Variants in TAP2 observed in about 807,000 individuals in gnomAD.
The protein encoded by TAP2 is transporter 2, ATP binding cassette subfamily B member.
Under a neutral mutation model 74.7 loss-of-function variants are expected in TAP2, and 49 were observed. That is an observed-to-expected ratio of 0.66 (90% CI 0.52 to 0.83). The LOEUF (loss-of-function observed/expected upper bound fraction) is 0.83, where lower values mean the gene tolerates loss of function less well. TAP2 is among the 40% of genes least tolerant of loss of function. TAP2 has a pLI of 0.00. For missense variants in TAP2, 739 were observed against 859.0 expected (o/e 0.86, Z 1.75); for synonymous variants, 306 against 368.4 (o/e 0.83, Z 1.94).
chr6:32,827,142 C>T lies in TAP2; in HGVS notation c.*1764G>A. ...CAAGAAAAAATCCAAAACAGCAGTT[C>T]TGGGGAATTCATTGCCAGCACTGGA... On this transcript the variant is annotated 3_prime_UTR_variant, in exon 12 of 12. Coordinates refer to ENST00000374897, the MANE Select transcript of TAP2 (RefSeq NM_001290043.2). 4 of 985,650 alleles carry T rather than the reference C, an allele frequency of 4.1e-6. No individual in the cohort carries two copies. Among genetic ancestry groups the T allele is most frequent in the Non-Finnish European group, 3.6e-6 (3 of 829,944 alleles). The allele number at this position is 985,650 out of a possible 1,614,324, so 61.1% of individuals were successfully genotyped here.
intron 1 of TAP2, 119 bp from the exon 2 acceptor site, chr6:32,838,356 C>T (rs1193603828): frequency 7.3e-6 from 10 of 1,365,294 alleles, no homozygotes; most frequent in Non-Finnish European, 9.6e-6. Flanking sequence ...TCCTATTCAA[C>T]CCTGAGAGCT....
rs567747725 is a variant in TAP2, at chr6:32,838,643, A to T, written c.-5+10T>A. 5.4e-6 allele frequency: 1 copy of T among 184,718 alleles called. No homozygotes were observed. The highest frequency in any genetic ancestry group is 1.9e-4 in the South Asian group (1 of 5,270). 11.4% of individuals were successfully genotyped at this position (184,718 alleles called of 1,614,324 possible). A position where few individuals can be genotyped will look rare whatever the true frequency, so the allele number is the denominator to read the frequency against. ...GTTGGCGCTCCAGGTTCCCCTCCGC[A>T]CCAACTCACCAGCCGCGGCGGGGAG... On this transcript the variant is annotated intron_variant, in intron 1 of 11. Transcript: ENST00000374897.
rs1338628580 is a variant in TAP2, at chr6:32,837,799, G to A, written c.435C>T (p.Ser145=). The A allele has an allele frequency of 6.8e-6, 11 of 1,614,116 alleles. No individual in the cohort carries two copies. Among genetic ancestry groups the A allele is most frequent in the Non-Finnish European group, 9.3e-6 (11 of 1,180,030 alleles). The change falls in exon 2 of 12, where the codon TCC becomes TCT. Residue 145 remains serine, a synonymous_variant. Coordinates refer to ENST00000374897, the MANE Select transcript of TAP2 (RefSeq NM_001290043.2). ...KVLMWRLLKL[S]RPDLPLLVAA... ...CAACGAGGAGAGGCAGGTCCGGCCT[G>A]GAGAGCTTCAGCAGCCTCCACATCA...
Position 32,827,143 on chromosome 6 carries a change from T to C in TAP2, c.*1763A>G, listed in dbSNP as rs1768704205. ...AAGAAAAAATCCAAAACAGCAGTTC[T>C]GGGGAATTCATTGCCAGCACTGGAA... is the stretch of plus-strand genomic sequence containing the variant. On this transcript the variant is annotated 3_prime_UTR_variant, in exon 12 of 12. Transcript: ENST00000374897. 18 of 985,516 alleles carry C rather than the reference T, an allele frequency of 1.8e-5. 1 individual carries two copies. In the South Asian group the frequency reaches 8.0e-4, roughly 44 times the overall value. 61.0% of individuals were successfully genotyped at this position (985,516 alleles called of 1,614,324 possible).
chr6:32,836,160 C>T (rs971975265), intron 3 of TAP2, among the ~76,000 whole-genome samples: 5 of 152,180 alleles, frequency 3.3e-5, no homozygotes, highest in Non-Finnish European at 7.3e-5. Flanking sequence ...GCGTCTCCTC[C>T]GCCTTGGTCT....
At position 32,835,423 on chromosome 6, in the gene TAP2, C is replaced by G; in HGVS notation, c.740-64G>C. 6.4e-7 allele frequency: 1 copy of G among 1,566,164 alleles called. No individual in the cohort carries two copies. The highest frequency in any genetic ancestry group is 8.8e-7 in the Non-Finnish European group (1 of 1,141,250). ...GTGTACTGCAGGGCCCCCAGAAACT[C>G]CCTCCTGACCGTTCCCTCTGACACA... On this transcript the variant is annotated intron_variant, in intron 4 of 11. Transcript: ENST00000374897. This position sits in a 1 kb window ranked among gnomAD's most constrained non-coding sequence, Gnocchi z 4.0.
downstream of TAP2, chr6:32,822,160 C>T: frequency 1.3e-6 from 1 of 758,458 alleles, no homozygotes; most frequent in Non-Finnish European, 2.2e-6. Flanking sequence ...TTTACATGTA[C>T]TATTTGCCTC....
intron 10 of TAP2, 62 bp from the exon 11 acceptor site, chr6:32,829,598 G>A: frequency 6.2e-7 from 1 of 1,609,522 alleles, no homozygotes; most frequent in Non-Finnish European, 8.5e-7. Flanking sequence ...ACACAAGGAG[G>A]GACAAGTGCA....
downstream of TAP2, chr6:32,822,254 T>C: frequency 1.3e-6 from 2 of 1,491,254 alleles, no homozygotes; most frequent in South Asian, 1.2e-5. Context: ...TTCGTTCATT[T>C]GAACTCATTA....
chr6:32,835,855 T>G lies in TAP2; in HGVS notation c.609-82A>C, dbSNP rs1242127197. 6.3e-6 allele frequency: 10 copies of G among 1,592,558 alleles called. No homozygotes were observed. The highest frequency in any genetic ancestry group is 2.6e-6 in the Non-Finnish European group (3 of 1,163,960). ...GTGAAACAGAGGAGCAAGCCAGGAG[T>G]GCAGAGAAGCGCAAAGTCAGGGGAA... On this transcript the variant is annotated intron_variant, in intron 3 of 11. Transcript: ENST00000374897. This position sits in a 1 kb window ranked among gnomAD's most constrained non-coding sequence, Gnocchi z 4.0.
downstream of TAP2, chr6:32,821,925 G>A (rs73410773): frequency 0.084 from 18,656 of 221,888 alleles, 1,322 homozygotes; most frequent in African/African-American, 0.22. Flanking sequence ...GGTGATTGAC[G>A]TCTCAAACCA....
chr6:32,822,341 A>C (rs375404770), downstream of TAP2: 11 of 1,470,596 alleles, frequency 7.5e-6, no homozygotes, highest in Non-Finnish European at 1.0e-5. Flanking sequence ...AACAAAAAAA[A>C]CCCCTTGATC....
chr6:32,832,316 C>T lies in TAP2; in HGVS notation c.1272+17G>A. On this transcript the variant is annotated intron_variant, in intron 7 of 11. Coordinates refer to ENST00000374897, the MANE Select transcript of TAP2 (RefSeq NM_001290043.2). This position sits in a 1 kb window ranked among gnomAD's most constrained non-coding sequence, Gnocchi z 5.9. ...AAGAGAGGGAAAAAAGGAGAGCAGG[C>T]TTGGCTTCTCGCTCACCTGCACATA... 3.1e-6 allele frequency: 5 copies of T among 1,612,980 alleles called. No homozygotes were observed. Among genetic ancestry groups the T allele is most frequent in the South Asian group, 1.1e-5 (1 of 91,064 alleles).
At chr6:32,834,644 T>A (rs1258634134) in intron 5 of TAP2, among the ~76,000 whole-genome samples, 1 of 152,192 alleles carries the variant, frequency 6.6e-6, no homozygotes, top group Non-Finnish European at 1.5e-5. Context: ...AATGGTAAAT[T>A]TTATGTTATG....
chr6:32,826,448 TG>T lies in TAP2; in HGVS notation c.*2457del, dbSNP rs11330427. On this transcript the variant is annotated 3_prime_UTR_variant, in exon 12 of 12. Transcript: ENST00000374897. Reference sequence around the variant, plus strand: ...GGTAAGGAGATCAATCAAATGGTGATGGGGGGTAGGAGTGAACAAAAAGAAC... The same window carrying T: ...GGTAAGGAGATCAATCAAATGGTGATGGGGGTAGGAGTGAACAAAAAGAAC... 0.029 allele frequency: 28,756 copies of T among 985,182 alleles called. 1,111 individuals carry two copies. Among genetic ancestry groups the T allele is most frequent in the African/African-American group, 0.18 (10,218 of 57,224 alleles). The allele number at this position is 985,182 out of a possible 1,614,324, so 61.0% of individuals were successfully genotyped here. A position where few individuals can be genotyped will look rare whatever the true frequency, so the allele number is the denominator to read the frequency against.
In TAP2 at chr6:32,835,767, C is replaced by T. The variant is rs756651269; in HGVS notation, c.615G>A (p.Leu205=). The part of the protein sequence containing the change: ...FMCLFSFGSS[L]SAGCRGGCFT... Reference sequence around the variant, plus strand: ...AGCAGCCTCCTCGGCAGCCTGCAGACAGTGAGCTGTGGGGTAGGAGAATAA... The same window carrying T: ...AGCAGCCTCCTCGGCAGCCTGCAGATAGTGAGCTGTGGGGTAGGAGAATAA... Residue 205 remains leucine, a synonymous_variant, in exon 4 of 12, where the codon CTG becomes CTA. Coordinates refer to ENST00000374897, the MANE Select transcript of TAP2 (RefSeq NM_001290043.2). The surrounding 1 kb of genome is among the most constrained non-coding windows in gnomAD (Gnocchi z 4.0). 6.2e-7 allele frequency: 1 copy of T among 1,613,048 alleles called. No individual in the cohort carries two copies. Among genetic ancestry groups the T allele is most frequent in the South Asian group, 1.1e-5 (1 of 91,068 alleles).
In TAP2 at chr6:32,835,138, T is replaced by A; in HGVS notation, c.945+16A>T. Reference sequence around the variant, plus strand: ...GTTTTATTCTCCCTTTGGGGTTCCCTTACATGCACGCTCACCTGATGGCGG... The same window carrying A: ...GTTTTATTCTCCCTTTGGGGTTCCCATACATGCACGCTCACCTGATGGCGG... On this transcript the variant is annotated intron_variant, in intron 5 of 11. Transcript: ENST00000374897. The surrounding 1 kb of genome is among the most constrained non-coding windows in gnomAD (Gnocchi z 4.0). 6.2e-7 allele frequency: 1 copy of A among 1,611,794 alleles called. No individual in the cohort carries two copies. The highest frequency in any genetic ancestry group is 8.5e-7 in the Non-Finnish European group (1 of 1,179,884).
chr6:32,830,824 G>A lies in TAP2; in HGVS notation c.1273-18C>T. On this transcript the variant is annotated intron_variant, in intron 7 of 11. Coordinates refer to ENST00000374897, the MANE Select transcript of TAP2 (RefSeq NM_001290043.2). The stretch of plus-strand genomic sequence containing the variant: ...ACCAGGGTCTGGAAAACAGGAATGG[G>A]AGAGCCGGCTAATTAAACACACTTC... 1 of 1,598,468 alleles carries A rather than the reference G, an allele frequency of 6.3e-7. No individual in the cohort carries two copies. Among genetic ancestry groups the A allele is most frequent in the South Asian group, 1.1e-5 (1 of 88,806 alleles).
chr6:32,837,403 G>C, intron 3 of TAP2, 134 bp downstream of exon 3: 1 of 741,240 alleles, frequency 1.3e-6, no homozygotes, highest in Admixed American at 2.0e-5. Context: ...ACAGAATGGT[G>C]ACTACATTCA....
Sources: allele counts gnomAD v4.1 joint callset (sites outside exome capture counted in the v4.1 genomes callset), GRCh38; gene constraint gnomAD v4.1.1; non-coding constraint Gnocchi (gnomAD v3.1); transcripts MANE v1.5; gene names NCBI Gene and HGNC (gene_info 2026-07-23, HGNC 2026-07-21).